ZBTB8B: variants seen among roughly 807,000 people sequenced by gnomAD.
ZBTB8B encodes zinc finger and BTB domain containing 8B.
In ZBTB8B, 17 loss-of-function variants were observed where a neutral mutation model predicts 30.3. The ratio of observed to expected loss-of-function variants is 0.56; its 90% CI spans 0.38 to 0.84. The LOEUF is 0.84. Ranked by LOEUF, ZBTB8B falls within the 40% of genes least tolerant of loss-of-function variation. The pLI is 0.00. For synonymous variants in ZBTB8B, 248 were observed against 255.6 expected, an observed-to-expected ratio of 0.97 and a Z score of 0.28; for missense variants, 515 against 644.9, an observed-to-expected ratio of 0.80 and a Z score of 2.18.
Position 32,485,023 on chromosome 1 carries a change from G to C in ZBTB8B, c.1171-78G>C, listed in dbSNP as rs938813621. The C allele has an allele frequency of 3.6e-6, 5 of 1,386,594 alleles. No individual in the cohort carries two copies. In the African/African-American group the frequency reaches 5.7e-5, roughly 16 times the overall value. The allele number at this position is 1,386,594 out of a possible 1,614,324, so 85.9% of individuals were successfully genotyped here. A position where few individuals can be genotyped will look rare whatever the true frequency, so the allele number is the denominator to read the frequency against. Reference sequence around the variant, plus strand: ...AAAGGAATCGGGAGGATCAGGCAGGGGCCAGATCACACGGGGCCTTGTGGA... The same window carrying C: ...AAAGGAATCGGGAGGATCAGGCAGGCGCCAGATCACACGGGGCCTTGTGGA... On this transcript the variant is annotated intron_variant, in intron 3 of 3. Coordinates refer to ENST00000609129, the MANE Select transcript of ZBTB8B (RefSeq NM_001145720.2).
At chr1:32,470,225 G>A in intron 1 of ZBTB8B, among the ~76,000 whole-genome samples, 1 of 152,232 alleles carries the variant, frequency 6.6e-6, no homozygotes, top group Non-Finnish European at 1.5e-5. Context: ...TATTGGCCGG[G>A]CGTGGTGGCT....
chr1:32,475,454 C>T (rs571357059), intron 2 of ZBTB8B, among the ~76,000 whole-genome samples: 180 of 152,150 alleles, frequency 1.2e-3, no homozygotes, highest in Admixed American at 3.6e-3. Context: ...GGCGTGGTGG[C>T]GAGTGCCTGT....
rs1467059760 is a variant in ZBTB8B, at chr1:32,491,468, G to C, written c.*6050G>C. 1 of 152,190 alleles carries C rather than the reference G, an allele frequency of 6.6e-6. No homozygotes were observed. Among genetic ancestry groups the C allele is most frequent in the East Asian group, 1.9e-4 (1 of 5,204 alleles). The allele number at this position is 152,190 out of a possible 1,614,324, so 9.4% of individuals were successfully genotyped here. ...AGATTCACTTAAAAGGATATAGAAT[G>C]GGAAGCACTGCTTACTAGCAAGGCA... On this transcript the variant is annotated 3_prime_UTR_variant, in exon 4 of 4. Coordinates refer to ENST00000609129, the MANE Select transcript of ZBTB8B (RefSeq NM_001145720.2).
In ZBTB8B at chr1:32,485,426, T is replaced by C. The variant is rs1455769824; in HGVS notation, c.*8T>C. 2 of 1,545,036 alleles carry C rather than the reference T, an allele frequency of 1.3e-6. No homozygotes were observed. Among genetic ancestry groups the C allele is most frequent in the Non-Finnish European group, 1.8e-6 (2 of 1,141,456 alleles). On this transcript the variant is annotated 3_prime_UTR_variant, in exon 4 of 4. Transcript: ENST00000609129. The stretch of plus-strand genomic sequence containing the variant: ...CGAGAGACACTTACGTAGCAATAAA[T>C]TGGTGGGGAAGAGGAGGTTTTAAAA...
At chr1:32,475,390 T>A (rs1482315220) in intron 2 of ZBTB8B, among the ~76,000 whole-genome samples, 6 of 152,130 alleles carry the variant, frequency 3.9e-5, no homozygotes, top group Non-Finnish European at 8.8e-5. Context: ...AAGACCAGCC[T>A]GGCCAACATG....
chr1:32,471,180 G>T lies in ZBTB8B; in HGVS notation c.556G>T (p.Val186Leu), dbSNP rs74557069. The T allele has an allele frequency of 1.3e-6, 2 of 1,551,886 alleles. No homozygotes were observed. Among genetic ancestry groups the T allele is most frequent in the African/African-American group, 2.7e-5 (2 of 73,180 alleles). The part of the protein sequence containing the change: ...VSSPAEGEKS[V>L]ECLRESPCGD... Reference sequence around the variant, plus strand: ...CTCTCCAGCCGAGGGAGAAAAGAGCGTGGAGTGCCTGAGAGAGTCCCCTTG... The same window carrying T: ...CTCTCCAGCCGAGGGAGAAAAGAGCTTGGAGTGCCTGAGAGAGTCCCCTTG... The change falls in exon 2 of 4, where the codon GTG (valine) becomes TTG (leucine). Residue 186 changes from valine to leucine, a missense_variant. Transcript: ENST00000609129.
chr1:32,485,204 C>A lies in ZBTB8B; in HGVS notation c.1274C>A (p.Thr425Asn). ...CGCTTCGGGCTGTGTGACAGCTGCA[C>A]CTGCGTTACAGACACACCCGATGAT... The part of the protein sequence containing the change: ...LRRFGLCDSC[T>N]CVTDTPDDDD... Residue 425 changes from threonine to asparagine, a missense_variant, in exon 4 of 4, where the codon ACC becomes AAC. Thr to Asn is a moderately conservative substitution (Grantham distance 65). Around this residue, in one of 3 missense-constraint regions of ZBTB8B, gnomAD observed 429 missense variants for 504.3 expected, o/e 0.85. Coordinates refer to ENST00000609129, the MANE Select transcript of ZBTB8B (RefSeq NM_001145720.2). 6.4e-7 allele frequency: 1 copy of A among 1,551,956 alleles called. No homozygotes were observed. Among genetic ancestry groups the A allele is most frequent in the Non-Finnish European group, 8.7e-7 (1 of 1,147,052 alleles).
Position 32,465,491 on chromosome 1 carries a change from T to C in ZBTB8B, c.-42+386T>C, listed in dbSNP as rs6673567. On this transcript the variant is annotated intron_variant, in intron 1 of 3. Coordinates refer to ENST00000609129, the MANE Select transcript of ZBTB8B (RefSeq NM_001145720.2). The surrounding 1 kb of genome is among the most constrained non-coding windows in gnomAD (Gnocchi z 4.1). ...CCATGGGAGGGGCTAGGCCTTGGGG[T>C]CCCACCCTCGGGGGCCGTGCCCTGT... Among the ~76,000 whole-genome samples, 22,027 of 152,212 alleles carry C rather than the reference T, an allele frequency of 0.14. 1,861 individuals are homozygous for C. Among genetic ancestry groups the C allele is most frequent in the African/African-American group, 0.22 (9,248 of 41,522 alleles).
At chr1:32,467,581 G>A (rs1262408992) in intron 1 of ZBTB8B, among the ~76,000 whole-genome samples, 1 of 152,068 alleles carries the variant, frequency 6.6e-6, no homozygotes, top group African/African-American at 2.4e-5. Context: ...TTGGTTTATA[G>A]TTTATCTACT....
chr1:32,471,565 C>T lies in ZBTB8B; in HGVS notation c.941C>T (p.Ala314Val), dbSNP rs909943366. Residue 314 changes from alanine to valine, a missense_variant, in exon 2 of 4, where the codon GCC becomes GTC. By Grantham distance (64) the Ala-to-Val change is moderately conservative. This residue lies in a region of ZBTB8B where 429 missense variants were observed against 504.3 expected (regional missense o/e 0.85). Transcript: ENST00000609129. ...GGAAGACCAGAAGGTGCAGGAGTAG[C>T]CATGAGTTCCATGATGGATGTCCAG... ...LEGRPEGAGV[A>V]MSSMMDVQAD... The T allele has an allele frequency of 6.4e-7, 1 of 1,551,754 alleles. No individual in the cohort carries two copies. The highest frequency in any genetic ancestry group is 8.7e-7 in the Non-Finnish European group (1 of 1,146,992).
intron 2 of ZBTB8B, among the ~76,000 whole-genome samples, chr1:32,477,012 C>T (rs1296474168): frequency 1.3e-5 from 2 of 152,120 alleles, no homozygotes; most frequent in Non-Finnish European, 2.9e-5. Context: ...TGCCCTCATT[C>T]CTAACCCCCA....
intron 1 of ZBTB8B, among the ~76,000 whole-genome samples, chr1:32,468,908 G>A (rs565589804): frequency 6.6e-6 from 1 of 151,894 alleles, no homozygotes; most frequent in East Asian, 1.9e-4. Flanking sequence ...GGACACTGGA[G>A]GCTGGGTGTG....
At chr1:32,485,069 G>A (rs1233154779) in intron 3 of ZBTB8B, 32 bp from the exon 4 acceptor site, 1 of 1,542,078 alleles carries the variant, frequency 6.5e-7, no homozygotes, top group Non-Finnish European at 8.8e-7. Flanking sequence ...CTCCTTTTCT[G>A]TGACATCTAC....
chr1:32,483,743 T>C (rs1361573960), intron 3 of ZBTB8B, among the ~76,000 whole-genome samples: 1 of 150,486 alleles, frequency 6.6e-6, no homozygotes, highest in Non-Finnish European at 1.5e-5. Context: ...AGGTGTCCAA[T>C]GAGAGGGAAA....
intron 2 of ZBTB8B, among the ~76,000 whole-genome samples, chr1:32,474,277 A>T (rs141644772): frequency 0.048 from 6,459 of 134,514 alleles, 421 homozygotes; most frequent in African/African-American, 0.15. Flanking sequence ...GAGGCCAAGG[A>T]GGGAGGATTG....
intron 3 of ZBTB8B, among the ~76,000 whole-genome samples, chr1:32,483,149 G>C (rs1392348438): frequency 6.6e-6 from 1 of 150,580 alleles, no homozygotes; most frequent in Non-Finnish European, 1.5e-5. Context: ...CCAGCACTTT[G>C]GGAGGCTGGG....
chr1:32,495,203 T>C lies in ZBTB8B; in HGVS notation c.*9785T>C, dbSNP rs1643809259. On this transcript the variant is annotated 3_prime_UTR_variant, in exon 4 of 4. Transcript: ENST00000609129. ...ATTTTTAAGTCAGCAGCCCACATGA[T>C]AAGATGGTATTGAGTAAAAATGTAT... The C allele has an allele frequency of 6.6e-6, 1 of 152,184 alleles. No homozygotes were observed. The allele number at this position is 152,184 out of a possible 1,614,324, so 9.4% of individuals were successfully genotyped here. A position where few individuals can be genotyped will look rare whatever the true frequency, so the allele number is the denominator to read the frequency against.
rs57001984 is a variant in ZBTB8B, at chr1:32,474,343, C to CAAAAAAA, written c.991+2761_991+2767dup. ...GCAAGATGGCAAAACCCCATCTCTA[C>CAAAAAAA]AAAAAAAAAAAAAAAAAAAAAAAAA... On this transcript the variant is annotated intron_variant, in intron 2 of 3. Transcript: ENST00000609129. 2.8e-3 allele frequency among the ~76,000 whole-genome samples: 110 copies of CAAAAAAA among 39,186 alleles called. 1 individual carries two copies. Among genetic ancestry groups the CAAAAAAA allele is most frequent in the Non-Finnish European group, 3.3e-3 (72 of 21,736 alleles). 25.7% of individuals were successfully genotyped at this position (39,186 alleles called of 152,430 possible). A position where few individuals can be genotyped will look rare whatever the true frequency, so the allele number is the denominator to read the frequency against.
chr1:32,470,652 C>CT lies in ZBTB8B; in HGVS notation c.32dup (p.Leu11PhefsTer6), dbSNP rs2148180525. 1 of 1,551,492 alleles carries CT rather than the reference C, an allele frequency of 6.4e-7. No homozygotes were observed. The highest frequency in any genetic ancestry group is 1.4e-5 in the African/African-American group (1 of 73,132). Reference sequence around the variant, plus strand: ...GGAGATGCAATCCTATTATGCCAAGCTTTTGGGGGAGCTGAATGAACAGAG... The same window carrying CT: ...GGAGATGCAATCCTATTATGCCAAGCTTTTTGGGGGAGCTGAATGAACAGAG... On this transcript the variant is annotated frameshift_variant, in exon 2 of 4. Transcript: ENST00000609129. LOFTEE classifies it high-confidence loss of function.
Sources: allele counts gnomAD v4.1 joint callset (sites outside exome capture counted in the v4.1 genomes callset), GRCh38; gene constraint gnomAD v4.1.1; regional missense constraint gnomAD v4.1.1; non-coding constraint Gnocchi (gnomAD v3.1); transcripts MANE v1.5; gene names NCBI Gene and HGNC (gene_info 2026-07-23, HGNC 2026-07-21).